CDYL2: variants seen among roughly 807,000 people sequenced by gnomAD.
CDYL2 encodes the protein chromodomain Y like 2.
CDYL2 carries 23 observed loss-of-function variants against 49.4 expected under a neutral mutation model. The ratio of observed to expected loss-of-function variants is 0.47; its 90% CI spans 0.34 to 0.66. CDYL2 has a LOEUF of 0.66. Among genes scored for constraint, CDYL2 ranks in the 30% least tolerant of loss-of-function variants. CDYL2 has a pLI of 0.01. For missense variants in CDYL2, 678 were observed against 656.4 expected (o/e 1.03, Z -0.36); for synonymous variants, 360 against 268.8 (o/e 1.34, Z -3.32).
At chr16:80,732,230 T>C (rs928515833) in intron 1 of CDYL2, among the ~76,000 whole-genome samples, 1 of 152,176 alleles carries the variant, frequency 6.6e-6, no homozygotes. Context: ...CATTTTAACA[T>C]CTCTGAAATC....
chr16:80,727,841 T>C (rs1408747217), intron 1 of CDYL2, among the ~76,000 whole-genome samples: 1 of 152,066 alleles, frequency 6.6e-6, no homozygotes, highest in African/African-American at 2.4e-5. Context: ...AGGGGCAGAC[T>C]AACACCTCAC....
chr16:80,788,216 G>C (rs1217721677), intron 1 of CDYL2, among the ~76,000 whole-genome samples: 3 of 152,202 alleles, frequency 2.0e-5, no homozygotes, highest in Admixed American at 2.0e-4. Flanking sequence ...CTAAAGTTGA[G>C]TAAAAGCCAA....
intron 1 of CDYL2, among the ~76,000 whole-genome samples, chr16:80,730,560 C>A (rs547593051): frequency 2.7e-4 from 41 of 151,996 alleles, no homozygotes; most frequent in African/African-American, 9.7e-4. Flanking sequence ...TGAAACTATT[C>A]CAATCAATAG....
In CDYL2 at chr16:80,742,543, T is replaced by C. The variant is rs145796354; in HGVS notation, c.25-57414A>G. On this transcript the variant is annotated intron_variant, in intron 1 of 6. Transcript: ENST00000570137. ...ATGAATAGATGGATGAATGAAAGAG[T>C]AGGTGGGTTGGGATGAATGAGTGGA... Among the ~76,000 whole-genome samples the C allele has an allele frequency of 2.7e-3, 398 of 146,836 alleles. 2 individuals carry two copies. The highest frequency in any genetic ancestry group is 9.8e-3 in the African/African-American group (384 of 39,020).
intron 1 of CDYL2, among the ~76,000 whole-genome samples, chr16:80,709,249 G>A (rs1263561128): frequency 6.6e-6 from 1 of 152,054 alleles, no homozygotes. Flanking sequence ...GGGTGTGGTG[G>A]CGTGCACCTG....
At chr16:80,659,449 C>A (rs1908951288) in intron 2 of CDYL2, among the ~76,000 whole-genome samples, 1 of 152,018 alleles carries the variant, frequency 6.6e-6, no homozygotes, top group Non-Finnish European at 1.5e-5. Context: ...CGCAAAATTT[C>A]TTGAATTTCT....
intron 1 of CDYL2, among the ~76,000 whole-genome samples, chr16:80,714,097 A>C (rs1904713559): frequency 6.6e-6 from 1 of 152,124 alleles, no homozygotes; most frequent in Non-Finnish European, 1.5e-5. Context: ...TAACACTACT[A>C]ATTTATAGGT....
chr16:80,740,999 A>G (rs1320723575), intron 1 of CDYL2, among the ~76,000 whole-genome samples: 1 of 151,870 alleles, frequency 6.6e-6, no homozygotes, highest in African/African-American at 2.4e-5. Flanking sequence ...TTTTAAGTAA[A>G]TAACAAACAG....
At chr16:80,676,099 G>C (rs1909732440) in intron 2 of CDYL2, among the ~76,000 whole-genome samples, 2 of 152,102 alleles carry the variant, frequency 1.3e-5, no homozygotes, top group Admixed American at 1.3e-4. Flanking sequence ...TGGTTAAAGA[G>C]TCGGATTTCC....
intron 1 of CDYL2, among the ~76,000 whole-genome samples, chr16:80,763,915 T>C (rs1202470472): frequency 1.3e-5 from 2 of 151,502 alleles, no homozygotes; most frequent in East Asian, 1.9e-4. Flanking sequence ...TGTCAAGGAG[T>C]TAAAAACTGA....
At position 80,604,124 on chromosome 16, in the gene CDYL2, T is replaced by C; in HGVS notation, c.*264A>G. 2.0e-6 allele frequency: 1 copy of C among 501,098 alleles called. No individual in the cohort carries two copies. The highest frequency in any genetic ancestry group is 2.5e-5 in the South Asian group (1 of 40,672). 31.0% of individuals were successfully genotyped at this position (501,098 alleles called of 1,614,324 possible). A position where few individuals can be genotyped will look rare whatever the true frequency, so the allele number is the denominator to read the frequency against. On this transcript the variant is annotated 3_prime_UTR_variant, in exon 7 of 7. Coordinates refer to ENST00000570137, the MANE Select transcript of CDYL2 (RefSeq NM_152342.4). ...GCAAGTGGGGAAAGGACAGCGGTGC[T>C]TGGCGGAGCCCTGGGAAGATACAGC...
intron 3 of CDYL2, among the ~76,000 whole-genome samples, chr16:80,624,976 GATTC>G (rs1447797150): frequency 2.0e-5 from 3 of 152,166 alleles, no homozygotes; most frequent in African/African-American, 7.2e-5. Context: ...GTGCTGTAGG[GATTC>G]TATCAGGAGA....
At chr16:80,617,425 A>G (rs1165437902) in intron 4 of CDYL2, among the ~76,000 whole-genome samples, 1 of 152,200 alleles carries the variant, frequency 6.6e-6, no homozygotes, top group Admixed American at 6.5e-5. Context: ...TACACCTAGA[A>G]AGTCCACAGG....
intron 1 of CDYL2, 21 bp downstream of exon 1, chr16:80,804,129 C>G (rs752449527): frequency 3.4e-6 from 4 of 1,171,984 alleles, no homozygotes; most frequent in Non-Finnish European, 4.3e-6. Context: ...GGGGCCGGCC[C>G]GCGCCCCCGC....
chr16:80,711,811 G>C (rs1332585225), intron 1 of CDYL2, among the ~76,000 whole-genome samples: 1 of 152,042 alleles, frequency 6.6e-6, no homozygotes. Flanking sequence ...TCCCAATCCT[G>C]GGCCCTTGTC....
chr16:80,778,562 C>T (rs1907165202), intron 1 of CDYL2, among the ~76,000 whole-genome samples: 1 of 151,960 alleles, frequency 6.6e-6, no homozygotes, highest in South Asian at 2.1e-4. Flanking sequence ...GAAAACTTTC[C>T]TAACACATAC....
chr16:80,675,228 A>G (rs548406638), intron 2 of CDYL2, among the ~76,000 whole-genome samples: 13 of 152,098 alleles, frequency 8.5e-5, no homozygotes, highest in Admixed American at 3.3e-4. Flanking sequence ...CTGGTCACAG[A>G]CCCCCAACAG....
At chr16:80,734,111 T>A (rs1219534865) in intron 1 of CDYL2, among the ~76,000 whole-genome samples, 1 of 152,204 alleles carries the variant, frequency 6.6e-6, no homozygotes, top group Non-Finnish European at 1.5e-5. Flanking sequence ...TTTAGATACT[T>A]GGATGGGCAT....
intron 1 of CDYL2, among the ~76,000 whole-genome samples, chr16:80,730,727 G>A (rs1010862061): frequency 3.3e-5 from 5 of 152,244 alleles, no homozygotes; most frequent in Non-Finnish European, 7.3e-5. Context: ...ATAAGTGATG[G>A]ATAAATATGT....
Sources: allele counts gnomAD v4.1 joint callset (sites outside exome capture counted in the v4.1 genomes callset), GRCh38; gene constraint gnomAD v4.1.1; transcripts MANE v1.5; gene names NCBI Gene and HGNC (gene_info 2026-07-23, HGNC 2026-07-21).